Variants in MSLN observed in about 807,000 individuals in gnomAD.
MSLN encodes mesothelin, also known as CAK1 antigen.
MSLN carries 82 observed loss-of-function variants against 72.6 expected under a neutral mutation model. The observed-to-expected ratio is 1.13, with a 90% CI of 0.94 to 1.36. The LOEUF (loss-of-function observed/expected upper bound fraction) is 1.36, where lower values mean the gene tolerates loss of function less well. Ranked by LOEUF, MSLN falls within the 40% of genes most tolerant of loss-of-function variation. The pLI is 0.00. For missense variants in MSLN, 1,005 were observed against 847.9 expected, an observed-to-expected ratio of 1.19 and a Z score of -2.30; for synonymous variants, 456 against 387.3, an observed-to-expected ratio of 1.18 and a Z score of -2.08.
intron 15 of MSLN, among the ~76,000 whole-genome samples, 178 bp downstream of exon 15, chr16:767,190 C>T (rs76406918): frequency 0.024 from 3,616 of 152,078 alleles, 167 homozygotes; most frequent in African/African-American, 0.082. Context: ...CTGACCCCAG[C>T]TCGGGGCGCC....
In MSLN at chr16:766,946, A is replaced by C. The variant is rs557395718; in HGVS notation, c.1435A>C (p.Lys479Gln). The part of the protein sequence containing the change: ...DPRQLDVLYP[K>Q]ARLAFQNMNG... ...AAGGCAGCTGGACGTCCTCTATCCCAAGGCCCGCCTTGCTTTCCAGAACAT... is the reference window on the plus strand; with the variant it reads ...AAGGCAGCTGGACGTCCTCTATCCCCAGGCCCGCCTTGCTTTCCAGAACAT... The change falls in exon 15 of 18, where the codon AAG (lysine) becomes CAG (glutamine). Residue 479 changes from lysine (K) to glutamine (Q), a missense_variant. Transcript: ENST00000545450. 1.9e-6 allele frequency: 3 copies of C among 1,612,620 alleles called. No homozygotes were observed. The African/African-American group carries it at 4.0e-5, about 21-fold the overall frequency.
At chr16:762,474 C>G (rs2151613325) in intron 2 of MSLN, 198 bp from the exon 3 acceptor site, 3 of 569,432 alleles carry the variant, frequency 5.3e-6, no homozygotes, top group Middle Eastern at 4.5e-4. Flanking sequence ...CCAGCCCCTC[C>G]CCTGGACAGG....
Position 767,425 on chromosome 16 carries a change from C to G in MSLN, c.1551C>G (p.Ser517Arg). Residue 517 changes from serine to arginine, a missense_variant, in exon 16 of 18, where the codon AGC (serine) becomes AGG (arginine). Coordinates refer to ENST00000545450, the MANE Select transcript of MSLN (RefSeq NM_005823.6). ...AGGCGCTCAGTCAGCAGAATGTGAG[C>G]ATGGACTTGGCCACGTTCATGAAGC... ...DLKALSQQNV[S>R]MDLATFMKLR... 1 of 1,573,458 alleles carries G rather than the reference C, an allele frequency of 6.4e-7. No homozygotes were observed. The highest frequency in any genetic ancestry group is 1.1e-5 in the South Asian group (1 of 90,040).
At chr16:763,902 G>A in intron 5 of MSLN, 121 bp from the exon 6 acceptor site, 2 of 1,358,966 alleles carry the variant, frequency 1.5e-6, no homozygotes, top group Admixed American at 2.2e-5. Flanking sequence ...GTCTTGGGGG[G>A]AGGTCTGCAG....
chr16:761,786 C>T (rs988888013), intron 2 of MSLN, among the ~76,000 whole-genome samples: 2 of 152,218 alleles, frequency 1.3e-5, no homozygotes, highest in Admixed American at 1.3e-4. Flanking sequence ...CAGGCTCTGC[C>T]TGTGGATGGG....
At position 767,464 on chromosome 16, in the gene MSLN, G is replaced by A. The variant is rs780202997; in HGVS notation, c.1590G>A (p.Ala530=). 7 of 1,586,620 alleles carry A rather than the reference G, an allele frequency of 4.4e-6. No individual in the cohort carries two copies. Among genetic ancestry groups the A allele is most frequent in the South Asian group, 1.1e-5 (1 of 89,902 alleles). ...LATFMKLRTD[A]VLPLTVAEVQ... ...CGTTCATGAAGCTGCGGACGGATGC[G>A]GTGCTGGTATGGCGAGCGGGAGGAG... Residue 530 remains alanine (A), a synonymous_variant, in exon 16 of 18, where the codon GCG becomes GCA. Transcript: ENST00000545450.
intron 6 of MSLN, 53 bp from the exon 7 acceptor site, chr16:764,594 A>G: frequency 6.7e-7 from 1 of 1,483,650 alleles, no homozygotes; most frequent in Non-Finnish European, 9.4e-7. Context: ...ACCCTGGCCC[A>G]CCATGTGAGT....
In MSLN at chr16:768,835, G is replaced by A; in HGVS notation, c.*102G>A. 1 of 1,155,296 alleles carries A rather than the reference G, an allele frequency of 8.7e-7. No homozygotes were observed. The highest frequency in any genetic ancestry group is 1.3e-6 in the Non-Finnish European group (1 of 791,892). 71.6% of individuals were successfully genotyped at this position (1,155,296 alleles called of 1,614,324 possible). A position where few individuals can be genotyped will look rare whatever the true frequency, so the allele number is the denominator to read the frequency against. On this transcript the variant is annotated 3_prime_UTR_variant, in exon 18 of 18. Coordinates refer to ENST00000545450, the MANE Select transcript of MSLN (RefSeq NM_005823.6). ...TCCACCCCAAGAGAACTCGCGCTCA[G>A]TAAACGGGAACATGCCCCCTGCAGA...
intron 7 of MSLN, 67 bp from the exon 8 acceptor site, chr16:764,840 G>A (rs972194440): frequency 8.9e-5 from 142 of 1,592,786 alleles, no homozygotes; most frequent in Non-Finnish European, 1.1e-4. Flanking sequence ...GAGGCCGGCC[G>A]GGCTGCCTCT....
intron 5 of MSLN, 30 bp from the exon 6 acceptor site, chr16:763,993 C>T (rs372793032): frequency 2.9e-5 from 46 of 1,592,664 alleles, no homozygotes; most frequent in East Asian, 9.0e-5. Context: ...GAGGGGCGAT[C>T]GTGGGTGCCC....
At chr16:763,144 C>T (rs546995789) in intron 3 of MSLN, 89 bp from the exon 4 acceptor site, 221 of 837,838 alleles carry the variant, frequency 2.6e-4, no homozygotes, top group Middle Eastern at 6.4e-4. Context: ...GCTGTGGGGG[C>T]GGCCAGGCTC....
Position 768,452 on chromosome 16 carries a change from G to A in MSLN, c.1670G>A (p.Arg557His), listed in dbSNP as rs150425699. The change falls in exon 17 of 18, where the codon CGC becomes CAC. Residue 557 changes from arginine to histidine, a missense_variant. Transcript: ENST00000545450. ...VEGLKAEERHRPVRDWILRQR... is the reference protein window; with the variant it reads ...VEGLKAEERHHPVRDWILRQR... ...GGCCTGAAGGCGGAGGAGCGGCACCGCCCGGTGCGGGACTGGATCCTACGG... is the reference window on the plus strand; with the variant it reads ...GGCCTGAAGGCGGAGGAGCGGCACCACCCGGTGCGGGACTGGATCCTACGG... 16,758 of 1,539,784 alleles carry A rather than the reference G, an allele frequency of 0.011. 123 individuals carry two copies. The highest frequency in any genetic ancestry group is 0.014 in the Admixed American group (719 of 51,744).
rs1012747561 is a variant in MSLN, at chr16:762,726, C to T, written c.46C>T (p.Pro16Ser). 1 of 1,605,418 alleles carries T rather than the reference C, an allele frequency of 6.2e-7. No homozygotes were observed. Among genetic ancestry groups the T allele is most frequent in the African/African-American group, 1.3e-5 (1 of 74,522 alleles). Residue 16 changes from proline to serine, a missense_variant, in exon 3 of 18, where the codon CCC (proline) becomes TCC (serine). By Grantham distance (74) the Pro-to-Ser change is moderately conservative (BLOSUM62 -1). Coordinates refer to ENST00000545450, the MANE Select transcript of MSLN (RefSeq NM_005823.6). ...ACCCCTGTTGGGGTCCTGTGGGACC[C>T]CCGCCCTCGGCAGCCTCCTGTTCCT... ...ARPLLGSCGT[P>S]ALGSLLFLLF...
rs745364430 is a variant in MSLN at position 768,739 on chromosome 16, C to T, written c.*6C>T. 1.9e-6 allele frequency: 3 copies of T among 1,609,876 alleles called. No homozygotes were observed. In the African/African-American group the frequency reaches 4.0e-5, roughly 22 times the overall value. ...TAGCCTCCACCCTGGCCTGAGGGCC[C>T]CACTCCCTTGCTGGCCCCAGCCCTG... is the stretch of plus-strand genomic sequence containing the variant. On this transcript the variant is annotated 3_prime_UTR_variant, in exon 18 of 18. Transcript: ENST00000545450.
rs772988510 is a variant in MSLN, at chr16:767,510, C to CT, written c.1596+40_1596+41insT. On this transcript the variant is annotated intron_variant, in intron 16 of 17. Transcript: ENST00000545450. ...AGGAGGGGCGTGTGGAGGAGGGGCC[C>CT]GTGGAGGAGGGGCGAGTGGGAGGAG... 4.6e-6 allele frequency: 4 copies of CT among 876,192 alleles called. No homozygotes were observed. In the Admixed American group the frequency reaches 1.1e-4, roughly 24 times the overall value. 54.3% of individuals were successfully genotyped at this position (876,192 alleles called of 1,614,324 possible).
In MSLN at chr16:764,134, A is replaced by AGTTGG. The variant is rs1420052786; in HGVS notation, c.291_292insGTTGG (p.Thr98ValfsTer82). On this transcript the variant is annotated frameshift_variant, in exon 6 of 18. Transcript: ENST00000545450. LOFTEE classifies it high-confidence loss of function. ...TGGCACAGAAGAATGTCAAGCTCTC[A>AGTTGG]ACAGAGCAGGTCAGTCTCAGTTGGG... The AGTTGG allele has an allele frequency of 6.2e-7, 1 of 1,604,468 alleles. No individual in the cohort carries two copies. Among genetic ancestry groups the AGTTGG allele is most frequent in the Admixed American group, 1.7e-5 (1 of 59,998 alleles).
chr16:768,299 G>C (rs933505661), intron 16 of MSLN, 80 bp from the exon 17 acceptor site: 12 of 1,417,162 alleles, frequency 8.5e-6, no homozygotes, highest in Non-Finnish European at 1.1e-5. Context: ...GGGCAGTTTG[G>C]ACACAGGAGA....
At chr16:763,834 G>A (rs529003556) in intron 5 of MSLN, 143 bp downstream of exon 5, 13 of 69,230 alleles carry the variant, frequency 1.9e-4, no homozygotes, top group East Asian at 1.5e-3. Flanking sequence ...TCAGGACTGC[G>A]GGAGGGACTG....
At position 764,664 on chromosome 16, in the gene MSLN, C is replaced by A; in HGVS notation, c.318C>A (p.His106Gln). 6.2e-7 allele frequency: 1 copy of A among 1,612,430 alleles called. No homozygotes were observed. The highest frequency in any genetic ancestry group is 8.5e-7 in the Non-Finnish European group (1 of 1,179,736). Reference sequence around the variant, plus strand: ...CCCTGCAGCTGCGCTGTCTGGCTCACCGGCTCTCTGAGCCCCCCGAGGACC... The same window carrying A: ...CCCTGCAGCTGCGCTGTCTGGCTCAACGGCTCTCTGAGCCCCCCGAGGACC... ...LSTEQLRCLA[H>Q]RLSEPPEDLD... Residue 106 changes from histidine (H) to glutamine (Q), a missense_variant, in exon 7 of 18, where the codon CAC (histidine) becomes CAA (glutamine). His to Gln is a conservative substitution (Grantham distance 24, BLOSUM62 0). Transcript: ENST00000545450.
Sources: gnomAD v4.1 joint callset for allele counts (sites outside exome capture counted in the v4.1 genomes callset) on GRCh38, gnomAD v4.1.1 for gene constraint, MANE v1.5 for transcripts, NCBI Gene and HGNC (gene_info 2026-07-23, HGNC 2026-07-21) for gene names.